The following INPP4B variants were observed in gnomAD, a reference collection of about 807,000 sequenced individuals.
The protein encoded by INPP4B is inositol polyphosphate-4-phosphatase type II B.
In INPP4B, 55 loss-of-function variants were observed where a neutral mutation model predicts 122.5. The ratio of observed to expected loss-of-function variants is 0.45; its 90% CI spans 0.36 to 0.56. The LOEUF is 0.56. INPP4B is among the 20% of genes least tolerant of loss of function. INPP4B has a pLI of 0.00. For missense variants in INPP4B, 1,000 were observed against 1,097.7 expected, an observed-to-expected ratio of 0.91 and a Z score of 1.26; for synonymous variants, 403 against 388.7, an observed-to-expected ratio of 1.04 and a Z score of -0.43.
intron 3 of INPP4B, among the ~76,000 whole-genome samples, chr4:142,451,923 G>C (rs991987077): frequency 6.6e-6 from 1 of 152,220 alleles, no homozygotes; most frequent in Admixed American, 6.5e-5. Flanking sequence ...CTGTGACAAG[G>C]CACCCTTTTT....
At chr4:142,682,285 C>T (rs934909348) in intron 2 of INPP4B, among the ~76,000 whole-genome samples, 1 of 151,820 alleles carries the variant, frequency 6.6e-6, no homozygotes, top group Non-Finnish European at 1.5e-5. Context: ...CCCTCTCTCT[C>T]TCTTTCTCTC....
At chr4:142,074,363 A>G (rs1578812351) in intron 25 of INPP4B, among the ~76,000 whole-genome samples, 1 of 152,222 alleles carries the variant, frequency 6.6e-6, no homozygotes, top group East Asian at 1.9e-4. Context: ...TTAAACAAAG[A>G]TAGCACTTTT....
chr4:142,505,575 C>G (rs976094399), intron 2 of INPP4B, among the ~76,000 whole-genome samples: 2 of 152,088 alleles, frequency 1.3e-5, no homozygotes, highest in Non-Finnish European at 2.9e-5. Context: ...TGTAATTAAA[C>G]TGTTTAGCAC....
chr4:142,480,700 G>T (rs1477060787), intron 2 of INPP4B, among the ~76,000 whole-genome samples: 1 of 152,092 alleles, frequency 6.6e-6, no homozygotes, highest in Non-Finnish European at 1.5e-5. Flanking sequence ...CGAATGAGTT[G>T]ATGATAAATA....
At chr4:142,774,572 T>G (rs887499638) in intron 1 of INPP4B, among the ~76,000 whole-genome samples, 31 of 152,108 alleles carry the variant, frequency 2.0e-4, no homozygotes, top group African/African-American at 6.8e-4. Context: ...GTAATTCACC[T>G]ACAACAACTT....
intron 1 of INPP4B, among the ~76,000 whole-genome samples, chr4:142,770,644 G>T (rs1772899163): frequency 6.6e-6 from 1 of 151,980 alleles, no homozygotes; most frequent in Non-Finnish European, 1.5e-5. Context: ...GTTTTAATAG[G>T]AATTTAAGTT....
intron 1 of INPP4B, among the ~76,000 whole-genome samples, chr4:142,803,557 C>A (rs1184545853): frequency 3.3e-5 from 5 of 151,056 alleles, no homozygotes; most frequent in Admixed American, 3.3e-4. Context: ...AGAGATAGAA[C>A]CCTACAAAGG....
At chr4:142,841,031 A>G (rs1190279723) in intron 1 of INPP4B, among the ~76,000 whole-genome samples, 2 of 151,968 alleles carry the variant, frequency 1.3e-5, no homozygotes, top group African/African-American at 4.8e-5. Flanking sequence ...AAGACAAGAA[A>G]TTTTTACTTT....
Position 142,411,799 on chromosome 4 carries a change from C to T in INPP4B, c.137-6475G>A, listed in dbSNP as rs371400785. ...CCCAGCTACTCGGGAGGCTGAGGCACGAGGATCACTTGAACCAGGGAGGCA... is the reference window on the plus strand; with the variant it reads ...CCCAGCTACTCGGGAGGCTGAGGCATGAGGATCACTTGAACCAGGGAGGCA... On this transcript the variant is annotated intron_variant, in intron 5 of 25. Transcript: ENST00000262992. Among the ~76,000 whole-genome samples the T allele has an allele frequency of 4.0e-3, 606 of 152,034 alleles. 3 individuals are homozygous for T. Among genetic ancestry groups the T allele is most frequent in the African/African-American group, 0.013 (559 of 41,470 alleles).
chr4:142,263,289 G>T (rs1740967577), intron 10 of INPP4B, among the ~76,000 whole-genome samples: 1 of 151,984 alleles, frequency 6.6e-6, no homozygotes, highest in Admixed American at 6.6e-5. Flanking sequence ...TTGATTATTT[G>T]GTTCCTACTT....
In INPP4B at chr4:142,706,515, C is replaced by T. The variant is rs72728608; in HGVS notation, c.-191+19324G>A. On this transcript the variant is annotated intron_variant, in intron 2 of 25. Coordinates refer to ENST00000262992, the MANE Select transcript of INPP4B (RefSeq NM_001101669.3). ...TATGTATTTGCTTATCCATCTGTTT[C>T]ATGTGTTTTGTTAACATGCCTCAAT... Among the ~76,000 whole-genome samples the T allele has an allele frequency of 2.6e-3, 392 of 152,298 alleles. 4 individuals carry two copies. Among genetic ancestry groups the T allele is most frequent in the Non-Finnish European group, 5.0e-3 (340 of 68,014 alleles).
rs540623340 is a variant in INPP4B at position 142,405,350 on chromosome 4, G to C, written c.137-26C>G. On this transcript the variant is annotated intron_variant, in intron 5 of 25. Transcript: ENST00000262992. ...CTGGCAACGGCAGAGGAGACAGAAA[G>C]AAAAGAAACTAACACCATATCTCAG... 3.0e-6 allele frequency: 4 copies of C among 1,347,692 alleles called. No homozygotes were observed. In the Admixed American group the frequency reaches 6.7e-5, roughly 23 times the overall value. The allele number at this position is 1,347,692 out of a possible 1,614,324, so 83.5% of individuals were successfully genotyped here.
intron 5 of INPP4B, among the ~76,000 whole-genome samples, chr4:142,406,232 G>C (rs909244394): frequency 2.0e-5 from 3 of 152,144 alleles, no homozygotes; most frequent in Non-Finnish European, 4.4e-5. Flanking sequence ...AATTCGGCTG[G>C]TGGCTTGCTG....
chr4:142,742,333 C>T (rs906208474), intron 1 of INPP4B, among the ~76,000 whole-genome samples: 11 of 151,976 alleles, frequency 7.2e-5, no homozygotes, highest in African/African-American at 2.2e-4. Context: ...TGATCTTCTG[C>T]TAAGTTGCAT....
chr4:142,336,465 C>A (rs979973146), intron 7 of INPP4B, among the ~76,000 whole-genome samples: 3 of 152,196 alleles, frequency 2.0e-5, no homozygotes, highest in Non-Finnish European at 4.4e-5. Flanking sequence ...GGTGGCGGGA[C>A]CAAACACGTT....
At chr4:142,111,692 A>C (rs1376438021) in intron 22 of INPP4B, among the ~76,000 whole-genome samples, 3 of 151,930 alleles carry the variant, frequency 2.0e-5, no homozygotes, top group East Asian at 3.9e-4. Flanking sequence ...TGTAATCTCT[A>C]TATGTGAGCC....
chr4:142,094,734 G>A (rs1193210907), intron 23 of INPP4B, among the ~76,000 whole-genome samples: 3 of 152,214 alleles, frequency 2.0e-5, no homozygotes, highest in Admixed American at 2.0e-4. Flanking sequence ...AGATGGTTGA[G>A]AAGATTGGGG....
chr4:142,708,563 T>C (rs550321506), intron 2 of INPP4B, among the ~76,000 whole-genome samples: 18 of 152,132 alleles, frequency 1.2e-4, no homozygotes, highest in Non-Finnish European at 2.4e-4. Context: ...CCCAGATACA[T>C]CTCAGGCTGC....
chr4:142,689,544 ATTCTT>A (rs1419779949), intron 2 of INPP4B, among the ~76,000 whole-genome samples: 1 of 152,210 alleles, frequency 6.6e-6, no homozygotes. Context: ...AGAAGTTATG[ATTCTT>A]TTAACAGTTT....
Sources: gnomAD v4.1 joint callset for allele counts (sites outside exome capture counted in the v4.1 genomes callset) on GRCh38, gnomAD v4.1.1 for gene constraint, MANE v1.5 for transcripts, NCBI Gene and HGNC (gene_info 2026-07-23, HGNC 2026-07-21) for gene names.